The following ROBO2 variants were observed in gnomAD, a reference collection of about 807,000 sequenced individuals.
The protein encoded by ROBO2 is roundabout homolog 2.
In ROBO2, 53 loss-of-function variants were observed where a neutral mutation model predicts 160.8. The observed-to-expected ratio is 0.33, with a 90% CI of 0.26 to 0.41. ROBO2 has a LOEUF of 0.41. Among genes scored for constraint, ROBO2 ranks in the 10% least tolerant of loss-of-function variants. ROBO2 has a pLI of 1.00. For missense variants in ROBO2, 1,577 were observed against 1,722.4 expected, an observed-to-expected ratio of 0.92 and a Z score of 1.49; for synonymous variants, 664 against 611.7, an observed-to-expected ratio of 1.09 and a Z score of -1.26.
At chr3:76,094,134 TCACACA>T (rs59815528) in intron 2 of ROBO2, among the ~76,000 whole-genome samples, 4 of 148,506 alleles carry the variant, frequency 2.7e-5, no homozygotes, top group Non-Finnish European at 6.0e-5. Context: ...ACACTCGCAC[TCACACA>T]CACACACACA....
At chr3:77,494,689 C>G (rs1486661949) in intron 5 of ROBO2, among the ~76,000 whole-genome samples, 2 of 152,208 alleles carry the variant, frequency 1.3e-5, no homozygotes, top group Non-Finnish European at 2.9e-5. Flanking sequence ...TGTGCTTTCA[C>G]TGCTATCAGT....
At chr3:76,414,260 G>T (rs1282602210) in intron 2 of ROBO2, among the ~76,000 whole-genome samples, 1 of 152,230 alleles carries the variant, frequency 6.6e-6, no homozygotes, top group South Asian at 2.1e-4. Flanking sequence ...CTTTTTGTCT[G>T]TATGCTTATA....
intron 2 of ROBO2, among the ~76,000 whole-genome samples, chr3:76,127,628 G>A (rs1219318131): frequency 5.3e-5 from 8 of 151,096 alleles, no homozygotes. Context: ...ATACTATCAA[G>A]ACAGTAAATT....
At chr3:76,460,725 C>T (rs2078038861) in intron 2 of ROBO2, among the ~76,000 whole-genome samples, 1 of 152,204 alleles carries the variant, frequency 6.6e-6, no homozygotes, top group African/African-American at 2.4e-5. Flanking sequence ...ATAAGAGACT[C>T]TGAGCTAAAA....
At chr3:77,182,848 C>T (rs1404698511) in intron 2 of ROBO2, among the ~76,000 whole-genome samples, 1 of 151,984 alleles carries the variant, frequency 6.6e-6, no homozygotes, top group Non-Finnish European at 1.5e-5. Flanking sequence ...TATATGAGAC[C>T]TCCTGAATGC....
At chr3:75,917,851 G>C (rs1412999759) in intron 1 of ROBO2, among the ~76,000 whole-genome samples, 1 of 149,564 alleles carries the variant, frequency 6.7e-6, no homozygotes, top group African/African-American at 2.5e-5. Flanking sequence ...AGAAGTGTCT[G>C]TTCATATCCT....
At chr3:76,200,504 G>A (rs538155511) in intron 2 of ROBO2, among the ~76,000 whole-genome samples, 1 of 152,192 alleles carries the variant, frequency 6.6e-6, no homozygotes, top group African/African-American at 2.4e-5. Context: ...GCATATTTGG[G>A]AGTGACATAT....
intron 2 of ROBO2, among the ~76,000 whole-genome samples, chr3:76,310,451 A>G (rs911017910): frequency 2.2e-4 from 33 of 152,234 alleles, no homozygotes; most frequent in African/African-American, 7.5e-4. Flanking sequence ...CATTGAACAC[A>G]GAGGAGAGCT....
At chr3:76,354,490 G>A (rs890993340) in intron 2 of ROBO2, among the ~76,000 whole-genome samples, 2 of 151,788 alleles carry the variant, frequency 1.3e-5, no homozygotes, top group African/African-American at 2.4e-5. Flanking sequence ...AGTGAAGATA[G>A]TCATTACTAT....
At chr3:76,412,953 A>C (rs2075572061) in intron 2 of ROBO2, among the ~76,000 whole-genome samples, 1 of 152,094 alleles carries the variant, frequency 6.6e-6, no homozygotes, top group Non-Finnish European at 1.5e-5. Flanking sequence ...GTTCTCCATG[A>C]GGGCCCCACC....
intron 2 of ROBO2, among the ~76,000 whole-genome samples, chr3:76,933,943 A>G (rs2077514462): frequency 6.6e-6 from 1 of 152,188 alleles, no homozygotes; most frequent in Non-Finnish European, 1.5e-5. Context: ...TGCTTATATA[A>G]AAATAGTTTA....
At chr3:76,368,378 T>C (rs1009131676) in intron 2 of ROBO2, among the ~76,000 whole-genome samples, 1 of 152,018 alleles carries the variant, frequency 6.6e-6, no homozygotes, top group Non-Finnish European at 1.5e-5. Flanking sequence ...TGGGTAAGGA[T>C]TCAGCTGGGT....
At chr3:77,380,549 G>T (rs984456648) in intron 2 of ROBO2, among the ~76,000 whole-genome samples, 3 of 152,060 alleles carry the variant, frequency 2.0e-5, no homozygotes, top group Non-Finnish European at 4.4e-5. Flanking sequence ...ATTTTTTTTA[G>T]AATTCAAAAA....
At chr3:77,641,586 A>C (rs2153722878) in intron 24 of ROBO2, among the ~76,000 whole-genome samples, 1 of 152,324 alleles carries the variant, frequency 6.6e-6, no homozygotes, top group Non-Finnish European at 1.5e-5. Flanking sequence ...TTAATGAAAT[A>C]AATGTATATT....
intron 2 of ROBO2, among the ~76,000 whole-genome samples, chr3:77,014,635 G>T (rs184670893): frequency 6.6e-6 from 1 of 152,136 alleles, no homozygotes; most frequent in African/African-American, 2.4e-5. Flanking sequence ...AAAATGCAAG[G>T]TGTTGTATTA....
intron 4 of ROBO2, among the ~76,000 whole-genome samples, chr3:77,485,003 A>G (rs1196517514): frequency 6.6e-6 from 1 of 152,118 alleles, no homozygotes; most frequent in Non-Finnish European, 1.5e-5. Context: ...TTTAGACTTT[A>G]GCTATTAAGT....
At chr3:76,698,283 G>A (rs2597254) in intron 2 of ROBO2, among the ~76,000 whole-genome samples, 95,461 of 152,006 alleles carry the variant, frequency 0.63, 31,547 homozygotes, top group East Asian at 0.85. Flanking sequence ...CCATTGACAC[G>A]GTGTTTTATC....
intron 2 of ROBO2, among the ~76,000 whole-genome samples, chr3:76,932,823 G>A (rs972300621): frequency 4.6e-5 from 7 of 152,030 alleles, no homozygotes; most frequent in East Asian, 1.9e-4. Flanking sequence ...GCTCTCCAAG[G>A]TCTTCAAGTT....
chr3:76,812,912 T>TG, intron 2 of ROBO2, among the ~76,000 whole-genome samples: 1 of 142,264 alleles, frequency 7.0e-6, no homozygotes, highest in Non-Finnish European at 1.5e-5. Flanking sequence ...AGTATAAATT[T>TG]TTTTTTTTTT....
Sources: allele counts gnomAD v4.1 joint callset (sites outside exome capture counted in the v4.1 genomes callset), GRCh38; gene constraint gnomAD v4.1.1; transcripts MANE v1.5; gene names NCBI Gene and HGNC (gene_info 2026-07-23, HGNC 2026-07-21).